ANKRD18B: variants seen among roughly 807,000 people sequenced by gnomAD.
ANKRD18B encodes ankyrin repeat domain-containing protein 18B.
A neutral mutation model predicts 111.8 loss-of-function variants in ANKRD18B; 75 were observed. The ratio of observed to expected loss-of-function variants is 0.67; its 90% CI spans 0.56 to 0.81. The LOEUF is 0.81. ANKRD18B is among the 40% of genes least tolerant of loss of function. The pLI is 0.00. For missense variants in ANKRD18B, 1,038 were observed against 1,225.5 expected (o/e 0.85, Z 2.28); for synonymous variants, 356 against 417.3 (o/e 0.85, Z 1.79).
intron 17 of ANKRD18B, among the ~76,000 whole-genome samples, chr9:33,570,300 G>T (rs187228535): frequency 2.9e-4 from 44 of 152,260 alleles, no homozygotes; most frequent in African/African-American, 1.0e-3. Flanking sequence ...ATAAGAATGG[G>T]GAGGGACAGA....
At position 33,570,486 on chromosome 9, in the gene ANKRD18B, AT is replaced by A. The variant is rs1229902311; in HGVS notation, c.3178-753del. Among the ~76,000 whole-genome samples, 4 of 151,922 alleles carry A rather than the reference AT, an allele frequency of 2.6e-5. No homozygotes were observed. The East Asian group carries it at 5.8e-4, about 22-fold the overall frequency. ...AAAAAAAGAAAACTTTACTATACAT[AT>A]TTTTTTCAGTAAGTAAAGAATATAA... On this transcript the variant is annotated intron_variant, in intron 17 of 18. Transcript: ENST00000684830.
In ANKRD18B at chr9:33,548,563, T is replaced by G. The variant is rs1373178239; in HGVS notation, c.1775T>G (p.Met592Arg). The G allele has an allele frequency of 6.4e-7, 1 of 1,550,902 alleles. No individual in the cohort carries two copies. Among genetic ancestry groups the G allele is most frequent in the African/African-American group, 1.4e-5 (1 of 72,920 alleles). The change falls in exon 11 of 19, where the codon ATG becomes AGG. Residue 592 changes from methionine (M) to arginine (R), a missense_variant. By Grantham distance (91) the Met-to-Arg change is moderately conservative. Coordinates refer to ENST00000684830, the MANE Select transcript of ANKRD18B (RefSeq NM_001393611.1). The part of the protein sequence containing the change: ...LKQAQHRIKE[M>R]KQMHPNGEAK... ...CAAGCGCAGCATCGAATAAAGGAAA[T>G]GAAGCAGATGCATCCAAATGGGGAA... is the stretch of plus-strand genomic sequence containing the variant.
intron 8 of ANKRD18B, among the ~76,000 whole-genome samples, 179 bp from the exon 9 acceptor site, chr9:33,540,968 C>A (rs886485951): frequency 4.6e-5 from 7 of 152,166 alleles, no homozygotes; most frequent in African/African-American, 1.7e-4. Flanking sequence ...TTATTATTTA[C>A]TATGTATTTA....
chr9:33,542,342 G>A (rs1828291231), intron 9 of ANKRD18B, among the ~76,000 whole-genome samples: 1 of 149,064 alleles, frequency 6.7e-6, no homozygotes, highest in African/African-American at 2.4e-5. Context: ...GCCAGATTCA[G>A]GGAGGACTTC....
intron 8 of ANKRD18B, 33 bp from the exon 9 acceptor site, chr9:33,541,114 A>C (rs1264013912): frequency 2.0e-6 from 3 of 1,537,766 alleles, no homozygotes; most frequent in Non-Finnish European, 2.6e-6. Context: ...TGTTTTCCAG[A>C]AGGAATATCT....
downstream of ANKRD18B, among the ~76,000 whole-genome samples, chr9:33,574,869 C>A (rs1332551042): frequency 6.6e-6 from 1 of 152,166 alleles, no homozygotes; most frequent in Admixed American, 6.5e-5. Flanking sequence ...GTTGTGTCAT[C>A]CCACGATGTC....
At chr9:33,538,842 C>G (rs1413695730) in intron 6 of ANKRD18B, among the ~76,000 whole-genome samples, 1 of 151,988 alleles carries the variant, frequency 6.6e-6, no homozygotes, top group Non-Finnish European at 1.5e-5. Flanking sequence ...AAATGGTTCA[C>G]AATAACAAAA....
intron 5 of ANKRD18B, 119 bp from the exon 6 acceptor site, chr9:33,536,759 A>G (rs1005617873): frequency 2.7e-5 from 17 of 627,002 alleles, no homozygotes; most frequent in Non-Finnish European, 3.7e-5. Flanking sequence ...TGTATTGGAC[A>G]TTAGATTTCT....
rs1243770237 is a variant in ANKRD18B, at chr9:33,558,680, C to T, written c.2460+493C>T. ...TACAAATACATGTATCTTTATAATACAATAATTTATATTTAAACGTAAGGT... is the reference window on the plus strand; with the variant it reads ...TACAAATACATGTATCTTTATAATATAATAATTTATATTTAAACGTAAGGT... On this transcript the variant is annotated intron_variant, in intron 14 of 18. Transcript: ENST00000684830. Among the ~76,000 whole-genome samples, 2 of 151,958 alleles carry T rather than the reference C, an allele frequency of 1.3e-5. 1 individual carries two copies. The highest frequency in any genetic ancestry group is 1.3e-4 in the Admixed American group (2 of 15,234).
chr9:33,574,087 C>A (rs1828823684), downstream of ANKRD18B, among the ~76,000 whole-genome samples: 1 of 143,910 alleles, frequency 6.9e-6, no homozygotes, highest in African/African-American at 2.4e-5. Flanking sequence ...CGGCTGGGGA[C>A]TGATCCATGG....
intron 14 of ANKRD18B, among the ~76,000 whole-genome samples, chr9:33,558,845 T>G (rs1157872124): frequency 6.6e-6 from 1 of 152,140 alleles, no homozygotes; most frequent in African/African-American, 2.4e-5. Flanking sequence ...TTACCCAATC[T>G]CAAGAGCTCT....
At chr9:33,571,781 G>A (rs10971568) in intron 18 of ANKRD18B, 28,954 of 154,502 alleles carry the variant, frequency 0.19, 2,901 homozygotes, top group East Asian at 0.22. Flanking sequence ...GTAGAACTCC[G>A]CAGGGCTCTT....
In ANKRD18B at chr9:33,551,137, T is replaced by C. The variant is rs532039511; in HGVS notation, c.2217+558T>C. ...TCTTCCTTTCATTTAAAATATATTG[T>C]AATGGCGTAGAAATACTCAGATCTA... On this transcript the variant is annotated intron_variant, in intron 12 of 18. Transcript: ENST00000684830. Among the ~76,000 whole-genome samples, 4 of 152,344 alleles carry C rather than the reference T, an allele frequency of 2.6e-5. No individual in the cohort carries two copies. In the South Asian group the frequency reaches 8.3e-4, roughly 32 times the overall value.
chr9:33,570,634 C>A (rs1398816807), intron 17 of ANKRD18B, among the ~76,000 whole-genome samples: 3 of 141,724 alleles, frequency 2.1e-5, no homozygotes, highest in African/African-American at 7.9e-5. Flanking sequence ...AATTGTTTAA[C>A]CTTTTTTTCT....
In ANKRD18B at chr9:33,524,395, G is replaced by A. The variant is rs939433623; in HGVS notation, c.-95G>A. ...TAGGGGTGGATCGCTGGGTGGGGAG[G>A]GGGATCTCGAATTTGGAGCTGGGTG... On this transcript the variant is annotated 5_prime_UTR_variant, in exon 1 of 19. Transcript: ENST00000684830. 2.4e-6 allele frequency: 3 copies of A among 1,270,036 alleles called. No individual in the cohort carries two copies. Among genetic ancestry groups the A allele is most frequent in the African/African-American group, 3.2e-5 (2 of 61,602 alleles). 78.7% of individuals were successfully genotyped at this position (1,270,036 alleles called of 1,614,324 possible). A position where few individuals can be genotyped will look rare whatever the true frequency, so the allele number is the denominator to read the frequency against.
At chr9:33,539,191 A>G (rs1828243670) in intron 6 of ANKRD18B, among the ~76,000 whole-genome samples, 1 of 152,198 alleles carries the variant, frequency 6.6e-6, no homozygotes, top group Admixed American at 6.5e-5. Flanking sequence ...TACCACTGTT[A>G]TTTATTTTAT....
Position 33,552,117 on chromosome 9 carries a change from T to C in ANKRD18B, c.2217+1538T>C, listed in dbSNP as rs138466475. On this transcript the variant is annotated intron_variant, in intron 12 of 18. Coordinates refer to ENST00000684830, the MANE Select transcript of ANKRD18B (RefSeq NM_001393611.1). ...TGGCAGCTTTTAGCATAGAACAAAA[T>C]ATACCATACCAATTATTTCTTCTTT... Among the ~76,000 whole-genome samples the C allele has an allele frequency of 4.2e-3, 639 of 152,344 alleles. 4 individuals are homozygous for C. The highest frequency in any genetic ancestry group is 0.015 in the African/African-American group (616 of 41,568).
downstream of ANKRD18B, among the ~76,000 whole-genome samples, chr9:33,573,668 G>A (rs28661159): frequency 2.8e-5 from 4 of 143,384 alleles, 1 homozygote; most frequent in African/African-American, 2.5e-5. Flanking sequence ...AAAACCCCCC[G>A]GGCCTGACCC....
chr9:33,542,240 G>T (rs1828289409), intron 9 of ANKRD18B, among the ~76,000 whole-genome samples: 1 of 149,908 alleles, frequency 6.7e-6, no homozygotes, highest in Non-Finnish European at 1.5e-5. Context: ...GACCTGATGT[G>T]CAGCTCAGAT....
Sources: gnomAD v4.1 joint callset for allele counts (sites outside exome capture counted in the v4.1 genomes callset) on GRCh38, gnomAD v4.1.1 for gene constraint, MANE v1.5 for transcripts, NCBI Gene and HGNC (gene_info 2026-07-23, HGNC 2026-07-21) for gene names.